TP73: variants seen among roughly 807,000 people sequenced by gnomAD.
The protein encoded by TP73 is tumor protein p73, also known as p53-like transcription factor.
A neutral mutation model predicts 62.5 loss-of-function variants in TP73; 25 were observed. That is an observed-to-expected ratio of 0.40 (90% confidence interval 0.29 to 0.56). The LOEUF (loss-of-function observed/expected upper bound fraction) is 0.56, where lower values mean the gene tolerates loss of function less well. Ranked by LOEUF, TP73 falls within the 20% of genes least tolerant of loss-of-function variation. The pLI is 0.46. For missense variants in TP73, 754 were observed against 913.3 expected, an observed-to-expected ratio of 0.83 and a Z score of 2.25; for synonymous variants, 423 against 377.5, an observed-to-expected ratio of 1.12 and a Z score of -1.40.
chr1:3,711,345 C>G (rs954593479), intron 4 of TP73, among the ~76,000 whole-genome samples: 1 of 152,244 alleles, frequency 6.6e-6, no homozygotes, highest in Non-Finnish European at 1.5e-5. Flanking sequence ...CATGCATGAC[C>G]TGGCCTCTGA....
At chr1:3,654,117 C>T (rs952271108) in intron 1 of TP73, among the ~76,000 whole-genome samples, 6 of 152,116 alleles carry the variant, frequency 3.9e-5, no homozygotes, top group Non-Finnish European at 8.8e-5. Flanking sequence ...GAGGTTGCAG[C>T]GAGCTGATAT....
intron 1 of TP73, among the ~76,000 whole-genome samples, chr1:3,653,023 T>C (rs1318497395): frequency 6.6e-6 from 1 of 151,540 alleles, no homozygotes; most frequent in Non-Finnish European, 1.5e-5. Context: ...GGGGCGCGGG[T>C]GCAGGTGGAA....
chr1:3,679,125 T>G (rs968028837), intron 1 of TP73, among the ~76,000 whole-genome samples: 1 of 152,178 alleles, frequency 6.6e-6, no homozygotes, highest in African/African-American at 2.4e-5. Context: ...ATGTGGAAGC[T>G]GGGTCTCCGG....
At chr1:3,711,871 C>T (rs945626067) in intron 4 of TP73, among the ~76,000 whole-genome samples, 2 of 111,216 alleles carry the variant, frequency 1.8e-5, no homozygotes, top group Non-Finnish European at 2.2e-5. Flanking sequence ...TGTGTGTGCG[C>T]GAGCATGTGC....
rs2124477685 is a variant in TP73 at position 3,722,053 on chromosome 1, G to C, written c.462G>C (p.Gln154His). The part of the protein sequence containing the change: ...YSPLLKKLYC[Q>H]IAKTCPIQIK... ...CGCTCTTGAAGAAACTCTACTGCCA[G>C]ATCGCCAAGACATGCCCCATCCAGA... Residue 154 changes from glutamine to histidine, a missense_variant, in exon 5 of 14, where the codon CAG (glutamine) becomes CAC (histidine). By Grantham distance (24) the Gln-to-His change is conservative (BLOSUM62 0). Around this residue, in one of 3 missense-constraint regions of TP73, gnomAD observed 235 missense variants for 251.4 expected, o/e 0.93. Coordinates refer to ENST00000378295, the MANE Select transcript of TP73 (RefSeq NM_005427.4). 6.2e-7 allele frequency: 1 copy of C among 1,611,416 alleles called. No individual in the cohort carries two copies. Among genetic ancestry groups the C allele is most frequent in the Non-Finnish European group, 8.5e-7 (1 of 1,178,724 alleles).
rs1557580292 is a variant in TP73, at chr1:3,726,404, T to TGGAC, written c.733-708_733-707insCGGA. Among the ~76,000 whole-genome samples the TGGAC allele has an allele frequency of 3.1e-5, 3 of 96,018 alleles. No individual in the cohort carries two copies. The East Asian group carries it at 9.9e-4, about 32-fold the overall frequency. 63.0% of individuals were successfully genotyped at this position (96,018 alleles called of 152,430 possible). A position where few individuals can be genotyped will look rare whatever the true frequency, so the allele number is the denominator to read the frequency against. Reference sequence around the variant, plus strand: ...GATAATAAATGGGGGAGTGGATGGATGGATGGATGGATGGGGTGGGTGTTG... The same window carrying TGGAC: ...GATAATAAATGGGGGAGTGGATGGATGGACGGATGGATGGATGGGGTGGGTGTTG... On this transcript the variant is annotated intron_variant, in intron 6 of 13. Coordinates refer to ENST00000378295, the MANE Select transcript of TP73 (RefSeq NM_005427.4).
chr1:3,656,548 C>A (rs1361025345), intron 1 of TP73, among the ~76,000 whole-genome samples: 1 of 152,212 alleles, frequency 6.6e-6, no homozygotes, highest in Admixed American at 6.5e-5. Flanking sequence ...TATAATTATG[C>A]CCATTTACAG....
chr1:3,668,315 G>A (rs371674303), intron 1 of TP73, among the ~76,000 whole-genome samples: 6 of 152,142 alleles, frequency 3.9e-5, no homozygotes, highest in Admixed American at 1.3e-4. Flanking sequence ...ACACACATCC[G>A]TGCAGCACCT....
intron 3 of TP73, among the ~76,000 whole-genome samples, chr1:3,694,003 C>T (rs111956476): frequency 1.0e-3 from 20 of 19,638 alleles, no homozygotes; most frequent in South Asian, 3.0e-3. Flanking sequence ...CCCCTCCTCC[C>T]GCAATCCCAG....
At chr1:3,709,409 G>A (rs2368538) in intron 4 of TP73, among the ~76,000 whole-genome samples, 1,903 of 152,340 alleles carry the variant, frequency 0.012, 100 homozygotes, top group Admixed American at 0.087. Context: ...CTTACTGCAC[G>A]ATGGAGATAA....
intron 3 of TP73, among the ~76,000 whole-genome samples, chr1:3,689,147 G>C (rs1421258379): frequency 6.6e-6 from 1 of 152,142 alleles, no homozygotes; most frequent in African/African-American, 2.4e-5. Context: ...CTCATCCCCA[G>C]GGCATCCCCG....
At chr1:3,690,898 C>T (rs761303349) in intron 3 of TP73, 15 of 1,574,160 alleles carry the variant, frequency 9.5e-6, no homozygotes, top group East Asian at 2.4e-5. Context: ...GACCCCCCGG[C>T]GCCTACCATG....
Position 3,730,025 on chromosome 1 carries a change from G to A in TP73, c.1222G>A (p.Gly408Arg), listed in dbSNP as rs148453310. Residue 408 changes from glycine to arginine, a missense_variant, in exon 11 of 14, where the codon GGG becomes AGG. Gly to Arg is a moderately radical substitution (Grantham distance 125). Transcript: ENST00000378295. ...RPSHLQPPSY[G>R]PVLSPMNKVH... ...GAGTCACCTACAGCCCCCGTCCTAC[G>A]GGCCGGTCCTCTCGCCCATGAACAA... is the stretch of plus-strand genomic sequence containing the variant. 9.3e-6 allele frequency: 15 copies of A among 1,607,564 alleles called. No individual in the cohort carries two copies. The highest frequency in any genetic ancestry group is 6.7e-5 in the African/African-American group (5 of 74,840).
rs75288163 is a variant in TP73 at position 3,663,585 on chromosome 1, G to C, written c.-34+10944G>C. On this transcript the variant is annotated intron_variant, in intron 1 of 13. Transcript: ENST00000378295. The surrounding 1 kb of genome is among the most constrained non-coding windows in gnomAD (Gnocchi z 4.7). ...CAAAAAATTAGCCAGGCGTGGTGGC[G>C]GGCGCCTGTAGTCCCAGCTACTCGG... Among the ~76,000 whole-genome samples, 848 of 152,014 alleles carry C rather than the reference G, an allele frequency of 5.6e-3. 7 individuals are homozygous for C. The highest frequency in any genetic ancestry group is 0.02 in the African/African-American group (819 of 41,480).
intron 6 of TP73, among the ~76,000 whole-genome samples, chr1:3,724,977 C>T (rs1641382099): frequency 6.6e-6 from 1 of 152,048 alleles, no homozygotes; most frequent in African/African-American, 2.4e-5. Flanking sequence ...CAAGATCGCG[C>T]CATTGCACTC....
Position 3,729,178 on chromosome 1 carries a change from A to T in TP73, c.1075-149A>T, listed in dbSNP as rs902292150. 4.5e-5 allele frequency: 49 copies of T among 1,083,812 alleles called. No individual in the cohort carries two copies. In the Admixed American group the frequency reaches 8.6e-4, roughly 19 times the overall value. 67.1% of individuals were successfully genotyped at this position (1,083,812 alleles called of 1,614,324 possible). ...ACCTGCTTCTTGGGAAGAGGAAAGAAGATCAGGGGATCCTGAGCCTCTGGG... is the reference window on the plus strand; with the variant it reads ...ACCTGCTTCTTGGGAAGAGGAAAGATGATCAGGGGATCCTGAGCCTCTGGG... On this transcript the variant is annotated intron_variant, in intron 9 of 13. Transcript: ENST00000378295.
chr1:3,684,411 CCCT>C (rs1316331752), intron 3 of TP73, among the ~76,000 whole-genome samples: 6 of 152,182 alleles, frequency 3.9e-5, no homozygotes, highest in Non-Finnish European at 7.4e-5. Flanking sequence ...CCCGGCCTGG[CCCT>C]CCTCCTCCCT....
Position 3,670,736 on chromosome 1 carries a change from C to T in TP73, c.-33-11597C>T, listed in dbSNP as rs117656734. 9.6e-3 allele frequency among the ~76,000 whole-genome samples: 1,461 copies of T among 152,240 alleles called. 40 individuals carry two copies. Among genetic ancestry groups the T allele is most frequent in the Admixed American group, 0.025 (375 of 15,294 alleles). ...AAGTGAGGAGAAATGAGGAGGAAGTCGAGCAATTTAACCCCAAATGGTGCT... is the reference window on the plus strand; with the variant it reads ...AAGTGAGGAGAAATGAGGAGGAAGTTGAGCAATTTAACCCCAAATGGTGCT... On this transcript the variant is annotated intron_variant, in intron 1 of 13. Transcript: ENST00000378295. The surrounding 1 kb of genome is among the most constrained non-coding windows in gnomAD (Gnocchi z 5.9).
At chr1:3,660,942 T>C (rs1332597730) in intron 1 of TP73, among the ~76,000 whole-genome samples, 2 of 152,238 alleles carry the variant, frequency 1.3e-5, no homozygotes, top group Non-Finnish European at 2.9e-5. Context: ...ACAACTAATA[T>C]AGAATGTATC....
Sources: gnomAD v4.1 joint callset for allele counts (sites outside exome capture counted in the v4.1 genomes callset) on GRCh38, gnomAD v4.1.1 for gene constraint, gnomAD v4.1.1 regional missense constraint, Gnocchi (gnomAD v3.1) non-coding constraint, MANE v1.5 for transcripts, NCBI Gene and HGNC (gene_info 2026-07-23, HGNC 2026-07-21) for gene names.